Variants in TMCO5A observed in about 807,000 individuals in gnomAD.
TMCO5A encodes transmembrane and coiled-coil domain-containing protein 5A.
TMCO5A carries 34 observed loss-of-function variants against 42.3 expected under a neutral mutation model. That is an observed-to-expected ratio of 0.80 (90% CI 0.61 to 1.07). TMCO5A has a LOEUF of 1.07. TMCO5A is among the 50% of genes least tolerant of loss of function. The pLI is 0.00. For missense variants in TMCO5A, 357 were observed against 327.9 expected (o/e 1.09, Z -0.69); for synonymous variants, 131 against 115.6 (o/e 1.13, Z -0.86).
chr15:37,966,530 C>G, intron 11 of TMCO5A: 1 of 696,354 alleles, frequency 1.4e-6, no homozygotes, highest in Non-Finnish European at 2.6e-6. Context: ...AAATTTTTTT[C>G]AGTGCGTGAA....
rs536056221 is a variant in TMCO5A at position 37,940,505 on chromosome 15, C to A, written c.388-644C>A. On this transcript the variant is annotated intron_variant, in intron 6 of 11. Coordinates refer to ENST00000319669, the MANE Select transcript of TMCO5A (RefSeq NM_152453.4). Reference sequence around the variant, plus strand: ...AGGGAGGCCTTTGCCAACCACCTACCACCTCCTCTCACACCACCACTACCA... The same window carrying A: ...AGGGAGGCCTTTGCCAACCACCTACAACCTCCTCTCACACCACCACTACCA... Among the ~76,000 whole-genome samples, 220 of 152,270 alleles carry A rather than the reference C, an allele frequency of 1.4e-3. 2 individuals carry two copies. Among genetic ancestry groups the A allele is most frequent in the African/African-American group, 5.1e-3 (212 of 41,570 alleles).
the TMCO5A span, among the ~76,000 whole-genome samples, chr15:38,039,099 C>T: frequency 1.3e-5 from 2 of 152,022 alleles, no homozygotes; most frequent in Non-Finnish European, 2.9e-5. Context: ...TGTCTAGAGG[C>T]AGGTGGAAAA....
downstream of TMCO5A, among the ~76,000 whole-genome samples, chr15:37,968,613 C>T (rs908519422): frequency 1.7e-4 from 25 of 146,714 alleles, no homozygotes; most frequent in Admixed American, 3.4e-4. Flanking sequence ...GATGGAATCT[C>T]GCCCTGTTGC....
the TMCO5A span, among the ~76,000 whole-genome samples, chr15:37,976,871 C>T: frequency 2.7e-5 from 4 of 150,298 alleles, no homozygotes; most frequent in East Asian, 1.9e-4. Context: ...TTACAACCTC[C>T]GCCTCCCAGG....
At chr15:38,007,736 C>A in the TMCO5A span, among the ~76,000 whole-genome samples, 1 of 152,036 alleles carries the variant, frequency 6.6e-6, no homozygotes, top group Non-Finnish European at 1.5e-5. Context: ...GAGGTCAGTT[C>A]TGCTGGAATC....
chr15:38,021,134 A>C, the TMCO5A span, among the ~76,000 whole-genome samples: 5 of 152,314 alleles, frequency 3.3e-5, no homozygotes, highest in South Asian at 1.0e-3. Context: ...AGCACTTTTT[A>C]ATGGGACATT....
chr15:37,948,988 G>A (rs1206468401), intron 11 of TMCO5A, among the ~76,000 whole-genome samples: 2 of 151,982 alleles, frequency 1.3e-5, no homozygotes, highest in Non-Finnish European at 2.9e-5. Flanking sequence ...TAGAGGGAAA[G>A]GGGCTGTTTT....
chr15:38,017,441 A>G, the TMCO5A span, among the ~76,000 whole-genome samples: 10 of 152,130 alleles, frequency 6.6e-5, no homozygotes, highest in African/African-American at 2.4e-4. Flanking sequence ...GCAACTCCCT[A>G]ACAAAAATGG....
chr15:37,941,160 AC>A lies in TMCO5A; in HGVS notation c.400del (p.Gln134SerfsTer16). On this transcript the variant is annotated frameshift_variant, in exon 7 of 12. Transcript: ENST00000319669. LOFTEE classifies it high-confidence loss of function. Reference protein sequence around the residue: ...ALEETKVKLQQLEASYACQEK... With the variant: ...ALEETKVKLQXLEASYACQEK... ...TTTGCTTTCTTTAGGTTAAGTTACAACAGCTGGAAGCTTCCTATGCATGCCA... is the reference window on the plus strand; with the variant it reads ...TTTGCTTTCTTTAGGTTAAGTTACAAAGCTGGAAGCTTCCTATGCATGCCA... The A allele has an allele frequency of 6.2e-6, 10 of 1,613,200 alleles. No individual in the cohort carries two copies. Among genetic ancestry groups the A allele is most frequent in the Non-Finnish European group, 8.5e-6 (10 of 1,179,526 alleles).
At chr15:37,975,611 CT>C in the TMCO5A span, among the ~76,000 whole-genome samples, 1 of 151,104 alleles carries the variant, frequency 6.6e-6, no homozygotes, top group African/African-American at 2.5e-5. Context: ...CATCCCTTTA[CT>C]TTAAGTCTAT....
chr15:38,002,098 C>G, the TMCO5A span, among the ~76,000 whole-genome samples: 4 of 152,048 alleles, frequency 2.6e-5, no homozygotes, highest in Admixed American at 2.0e-4. Context: ...TCTTGTAGGA[C>G]AGGTCTAGTA....
chr15:37,972,680 C>T (rs545409019), downstream of TMCO5A, among the ~76,000 whole-genome samples: 96 of 151,912 alleles, frequency 6.3e-4, no homozygotes, highest in African/African-American at 2.0e-3. Flanking sequence ...TCTGGATATT[C>T]GACATTTATT....
downstream of TMCO5A, among the ~76,000 whole-genome samples, chr15:37,971,511 T>G (rs1008422710): frequency 6.6e-6 from 1 of 152,230 alleles, no homozygotes; most frequent in African/African-American, 2.4e-5. Context: ...AATTCCTCAT[T>G]ACTTATGCAA....
At chr15:38,000,583 G>T in the TMCO5A span, among the ~76,000 whole-genome samples, 263 of 151,708 alleles carry the variant, frequency 1.7e-3, no homozygotes, top group Non-Finnish European at 2.7e-3. Context: ...TGTTTTTCCA[G>T]TTCTTTAAAA....
chr15:37,943,452 C>T, intron 10 of TMCO5A, 54 bp downstream of exon 10: 2 of 1,573,942 alleles, frequency 1.3e-6, no homozygotes, highest in Non-Finnish European at 1.7e-6. Context: ...CTTTCAAAGC[C>T]ATCTCCAGCA....
chr15:37,992,524 C>G, the TMCO5A span, among the ~76,000 whole-genome samples: 1 of 152,150 alleles, frequency 6.6e-6, no homozygotes, highest in South Asian at 2.1e-4. Flanking sequence ...ATAAATCATT[C>G]TATCGTAAGG....
At chr15:37,993,641 A>G in the TMCO5A span, among the ~76,000 whole-genome samples, 2 of 152,140 alleles carry the variant, frequency 1.3e-5, no homozygotes, top group Non-Finnish European at 2.9e-5. Context: ...AATCCTCTGA[A>G]AGTTAATTCA....
downstream of TMCO5A, among the ~76,000 whole-genome samples, chr15:37,970,466 T>A (rs1043640064): frequency 6.6e-6 from 1 of 152,166 alleles, no homozygotes; most frequent in Non-Finnish European, 1.5e-5. Context: ...GGGGACACAG[T>A]CAAACCATAT....
intron 10 of TMCO5A, among the ~76,000 whole-genome samples, chr15:37,945,618 A>G (rs1008604256): frequency 6.6e-6 from 1 of 152,080 alleles, no homozygotes; most frequent in African/African-American, 2.4e-5. Context: ...CATTTCTCTA[A>G]TGATCAGTAA....
Sources: allele counts gnomAD v4.1 joint callset (sites outside exome capture counted in the v4.1 genomes callset), GRCh38; gene constraint gnomAD v4.1.1; transcripts MANE v1.5; gene names NCBI Gene and HGNC (gene_info 2026-07-23, HGNC 2026-07-21).